Variants in ZCCHC14 observed in about 807,000 individuals in gnomAD.
ZCCHC14 encodes zinc finger CCHC domain-containing protein 14.
Under a neutral mutation model 85.0 loss-of-function variants are expected in ZCCHC14, and 16 were observed. The ratio of observed to expected loss-of-function variants is 0.19; its 90% CI spans 0.13 to 0.29. The LOEUF is 0.29. ZCCHC14 is among the 10% of genes least tolerant of loss of function. The probability of loss-of-function intolerance (pLI) is 1.00; values close to 1 mark genes in which losing one functional copy is unlikely to be tolerated. For missense variants in ZCCHC14, 1,303 were observed against 1,443.5 expected (o/e 0.90, Z 1.58); for synonymous variants, 775 against 630.7 (o/e 1.23, Z -3.43).
chr16:87,472,208 G>A (rs1433958412), intron 1 of ZCCHC14: 5 of 152,204 alleles, frequency 3.3e-5, no homozygotes, highest in Non-Finnish European at 7.3e-5. Context: ...CAGACCCTCG[G>A]GAGGGCCGCC....
intron 1 of ZCCHC14, among the ~76,000 whole-genome samples, chr16:87,481,675 A>G (rs988370368): frequency 6.6e-6 from 1 of 151,736 alleles, no homozygotes; most frequent in African/African-American, 2.4e-5. Flanking sequence ...AAATCTAAAG[A>G]TATTTAGGAC....
Position 87,433,160 on chromosome 16 carries a change from T to G in ZCCHC14, c.736A>C (p.Lys246Gln), listed in dbSNP as rs778151209. Reference protein sequence around the residue: ...KIDLKGLSHTKNDRNVECSFE... With the variant: ...KIDLKGLSHTQNDRNVECSFE... ...GAACATTCAACATTTCTGTCATTTTTTGTGTGTGATAATCCCTTCAGGTCT... is the reference window on the plus strand; with the variant it reads ...GAACATTCAACATTTCTGTCATTTTGTGTGTGTGATAATCCCTTCAGGTCT... Residue 246 changes from lysine to glutamine, a missense_variant, in exon 3 of 13, where the codon AAA becomes CAA. Lys to Gln is a moderately conservative substitution (Grantham distance 53). Around this residue, in one of 7 missense-constraint regions of ZCCHC14, gnomAD observed 389 missense variants for 397.8 expected, o/e 0.98. Transcript: ENST00000671377. The G allele has an allele frequency of 2.5e-6, 4 of 1,614,234 alleles. No individual in the cohort carries two copies. Among genetic ancestry groups the G allele is most frequent in the East Asian group, 2.2e-5 (1 of 44,890 alleles).
chr16:87,422,956 A>G (rs1182118183), intron 4 of ZCCHC14, among the ~76,000 whole-genome samples: 2 of 152,152 alleles, frequency 1.3e-5, no homozygotes, highest in African/African-American at 2.4e-5. Context: ...GTGTTCTTCA[A>G]TGCCCAAGAG....
At chr16:87,489,493 G>A (rs1490078988) in intron 1 of ZCCHC14, among the ~76,000 whole-genome samples, 2 of 152,190 alleles carry the variant, frequency 1.3e-5, no homozygotes, top group African/African-American at 4.8e-5. Flanking sequence ...AGGCCATAGA[G>A]GAGAAAGCAG....
chr16:87,428,006 G>T (rs1382236036), intron 3 of ZCCHC14, among the ~76,000 whole-genome samples: 1 of 150,196 alleles, frequency 6.7e-6, no homozygotes, highest in African/African-American at 2.5e-5. Context: ...CAGTCTCCTG[G>T]CCTCCAGGTG....
chr16:87,429,948 T>A (rs1251493434), intron 3 of ZCCHC14, among the ~76,000 whole-genome samples: 4 of 152,280 alleles, frequency 2.6e-5, no homozygotes, highest in Non-Finnish European at 5.9e-5. Context: ...GAATTCTTTA[T>A]ACATTTTGAA....
At chr16:87,427,466 T>C (rs899574641) in intron 3 of ZCCHC14, among the ~76,000 whole-genome samples, 3 of 152,182 alleles carry the variant, frequency 2.0e-5, no homozygotes, top group Admixed American at 2.0e-4. Flanking sequence ...TGGAGTGCAG[T>C]GGCGCGATCT....
At chr16:87,449,099 G>T (rs1910573570) in intron 2 of ZCCHC14, among the ~76,000 whole-genome samples, 1 of 152,194 alleles carries the variant, frequency 6.6e-6, no homozygotes, top group Admixed American at 6.5e-5. Flanking sequence ...AACAGTCACG[G>T]AGCATGGCCC....
intron 2 of ZCCHC14, among the ~76,000 whole-genome samples, chr16:87,449,771 A>AT (rs1461786218): frequency 1.3e-5 from 2 of 152,202 alleles, no homozygotes. Flanking sequence ...TAAGCTGGGC[A>AT]TGGGGGCTCA....
At chr16:87,426,255 G>T (rs1909365461) in intron 3 of ZCCHC14, among the ~76,000 whole-genome samples, 1 of 152,214 alleles carries the variant, frequency 6.6e-6, no homozygotes. Flanking sequence ...GGGCATGGGG[G>T]CGGGAAGAGC....
chr16:87,453,634 G>A (rs1252859849), intron 2 of ZCCHC14, among the ~76,000 whole-genome samples: 4 of 152,230 alleles, frequency 2.6e-5, no homozygotes, highest in Non-Finnish European at 5.9e-5. Flanking sequence ...ACCTCCATCT[G>A]CTGCCTGCCC....
chr16:87,428,397 A>G (rs559520333), intron 3 of ZCCHC14, among the ~76,000 whole-genome samples: 1 of 152,352 alleles, frequency 6.6e-6, no homozygotes, highest in African/African-American at 2.4e-5. Flanking sequence ...AAAGCACAGC[A>G]GGCATTCCTA....
chr16:87,437,067 G>GA (rs1909959500), intron 2 of ZCCHC14, among the ~76,000 whole-genome samples: 1 of 151,916 alleles, frequency 6.6e-6, no homozygotes, highest in Non-Finnish European at 1.5e-5. Flanking sequence ...GGGCGGCCGG[G>GA]AGCTCACACC....
chr16:87,453,632 C>T (rs1910815930), intron 2 of ZCCHC14, among the ~76,000 whole-genome samples: 1 of 152,254 alleles, frequency 6.6e-6, no homozygotes, highest in Non-Finnish European at 1.5e-5. Flanking sequence ...GCACCTCCAT[C>T]TGCTGCCTGC....
chr16:87,492,289 G>A lies in ZCCHC14; in HGVS notation c.-51C>T, dbSNP rs1407370327. 1.0e-6 allele frequency: 1 copy of A among 963,860 alleles called. No homozygotes were observed. Among genetic ancestry groups the A allele is most frequent in the Non-Finnish European group, 1.2e-6 (1 of 814,040 alleles). The allele number at this position is 963,860 out of a possible 1,614,324, so 59.7% of individuals were successfully genotyped here. A position where few individuals can be genotyped will look rare whatever the true frequency, so the allele number is the denominator to read the frequency against. On this transcript the variant is annotated 5_prime_UTR_variant, in exon 1 of 13. Coordinates refer to ENST00000671377, the MANE Select transcript of ZCCHC14 (RefSeq NM_015144.3). The surrounding 1 kb of genome is among the most constrained non-coding windows in gnomAD (Gnocchi z 6.7). ...CCGGGGCCGGGGACCGCGCGGGGGC[G>A]GCCGGGGGGCGCCGGGGGCCGCGGC...
intron 2 of ZCCHC14, among the ~76,000 whole-genome samples, chr16:87,440,761 C>A (rs1411585348): frequency 6.6e-6 from 1 of 152,022 alleles, no homozygotes; most frequent in African/African-American, 2.4e-5. Flanking sequence ...CATGCATCAC[C>A]ATGCCCAGCC....
At chr16:87,461,975 C>T (rs1039243590) in intron 1 of ZCCHC14, among the ~76,000 whole-genome samples, 4 of 152,072 alleles carry the variant, frequency 2.6e-5, no homozygotes, top group Non-Finnish European at 5.9e-5. Flanking sequence ...TTATGTAACT[C>T]GAGAAAATAA....
chr16:87,481,049 G>A (rs1022292899), intron 1 of ZCCHC14, among the ~76,000 whole-genome samples: 1 of 152,144 alleles, frequency 6.6e-6, no homozygotes, highest in African/African-American at 2.4e-5. Flanking sequence ...CCATTCCAAT[G>A]ACACAAGGGA....
rs568144152 is a variant in ZCCHC14, at chr16:87,469,322, T to TA, written c.571-9192dup. Reference sequence around the variant, plus strand: ...TACACAGATCAAATTATCTCCATGTTAAAAACAAGAAAAACTGAATGTCAG... The same window carrying TA: ...TACACAGATCAAATTATCTCCATGTTAAAAAACAAGAAAAACTGAATGTCAG... On this transcript the variant is annotated intron_variant, in intron 1 of 12. Transcript: ENST00000671377. Among the ~76,000 whole-genome samples the TA allele has an allele frequency of 4.7e-3, 715 of 152,350 alleles. 3 individuals are homozygous for TA. Among genetic ancestry groups the TA allele is most frequent in the Non-Finnish European group, 7.7e-3 (524 of 68,028 alleles).
Sources: allele counts gnomAD v4.1 joint callset (sites outside exome capture counted in the v4.1 genomes callset), GRCh38; gene constraint gnomAD v4.1.1; regional missense constraint gnomAD v4.1.1; non-coding constraint Gnocchi (gnomAD v3.1); transcripts MANE v1.5; gene names NCBI Gene and HGNC (gene_info 2026-07-23, HGNC 2026-07-21).